EXT2: variants seen among roughly 807,000 people sequenced by gnomAD.
EXT2 encodes the protein exostosin-2.
A neutral mutation model predicts 81.6 loss-of-function variants in EXT2; 53 were observed. That is an observed-to-expected ratio of 0.65 (90% CI 0.52 to 0.82). EXT2 has a LOEUF of 0.82. EXT2 is among the 40% of genes least tolerant of loss of function. EXT2 has a pLI of 0.00. For synonymous variants in EXT2, 320 were observed against 340.0 expected (o/e 0.94, Z 0.65); for missense variants, 774 against 910.2 (o/e 0.85, Z 1.93).
intron 1 of EXT2, among the ~76,000 whole-genome samples, chr11:44,106,673 G>A (rs1954059467): frequency 6.6e-6 from 1 of 152,016 alleles, no homozygotes; most frequent in Non-Finnish European, 1.5e-5. Flanking sequence ...TCTGTCACTT[G>A]GGCTGGAGTG....
intron 10 of EXT2, among the ~76,000 whole-genome samples, chr11:44,213,537 T>C (rs1251285388): frequency 6.6e-6 from 1 of 152,092 alleles, no homozygotes. Flanking sequence ...ACAGAAGATA[T>C]AAAGAAGAGC....
intron 4 of EXT2, chr11:44,116,969 C>CTTTTTTTT (rs555225810): frequency 7.3e-6 from 1 of 137,584 alleles, no homozygotes. Context: ...TTTTCACTTT[C>CTTTTTTTT]TTTTTTTTTT....
chr11:44,198,786 A>G (rs1330935375), intron 9 of EXT2, among the ~76,000 whole-genome samples: 2 of 152,206 alleles, frequency 1.3e-5, no homozygotes, highest in Non-Finnish European at 2.9e-5. Context: ...GTCACCGATA[A>G]GGTCTAGTTT....
intron 1 of EXT2, among the ~76,000 whole-genome samples, chr11:44,096,782 T>C (rs950786498): frequency 6.6e-6 from 1 of 152,244 alleles, no homozygotes. Flanking sequence ...AATGCTAATC[T>C]AGAAAGGTTC....
rs202021394 is a variant in EXT2, at chr11:44,231,917, C to CT, written c.1663-428dup. ...GGTGTATGCTCAAGAGAAATAGATG[C>CT]TTTTTTTTAATAAGAAATGGGACTT... On this transcript the variant is annotated intron_variant, in intron 10 of 13. Transcript: ENST00000533608. 4.9e-3 allele frequency among the ~76,000 whole-genome samples: 750 copies of CT among 152,020 alleles called. 7 individuals are homozygous for CT. Among genetic ancestry groups the CT allele is most frequent in the East Asian group, 0.043 (220 of 5,164 alleles).
intron 9 of EXT2, 89 bp from the exon 10 acceptor site, chr11:44,206,704 C>A (rs895459422): frequency 1.2e-5 from 16 of 1,387,152 alleles, no homozygotes; most frequent in Admixed American, 1.8e-5. Flanking sequence ...CAAGCTGATT[C>A]TCCCATCTCA....
intron 10 of EXT2, among the ~76,000 whole-genome samples, chr11:44,209,591 T>A (rs112813412): frequency 1.3e-5 from 2 of 152,224 alleles, no homozygotes; most frequent in African/African-American, 4.8e-5. Context: ...CAGGCTTGAT[T>A]GATTAAGGGA....
intron 7 of EXT2, chr11:44,144,402 G>A: frequency 2.8e-6 from 4 of 1,404,714 alleles, no homozygotes; most frequent in Non-Finnish European, 4.0e-6. Flanking sequence ...TGCTGAGAAG[G>A]CTTGACCAAA....
chr11:44,240,041 A>G (rs1342997710), intron 13 of EXT2, among the ~76,000 whole-genome samples: 1 of 152,164 alleles, frequency 6.6e-6, no homozygotes, highest in East Asian at 1.9e-4. Flanking sequence ...GTTACATGGC[A>G]TTGTTTAGGG....
In EXT2 at chr11:44,168,500, A is replaced by G. The variant is rs555253853; in HGVS notation, c.1174-3111A>G. 4.6e-5 allele frequency among the ~76,000 whole-genome samples: 7 copies of G among 152,352 alleles called. No individual in the cohort carries two copies. In the South Asian group the frequency reaches 1.2e-3, roughly 27 times the overall value. ...AACCACAAATTGAAGAAGCGCTACA[A>G]TCCTCAGTGGGATAAATACAAAGGG... On this transcript the variant is annotated intron_variant, in intron 7 of 13. Coordinates refer to ENST00000533608, the MANE Select transcript of EXT2 (RefSeq NM_207122.2).
chr11:44,197,859 C>T lies in EXT2; in HGVS notation c.1336C>T (p.Leu446Phe). The change falls in exon 9 of 14, where the codon CTC (leucine) becomes TTC (phenylalanine). Residue 446 changes from leucine (L) to phenylalanine (F), a missense_variant. This residue lies in a region of EXT2 where 626 missense variants were observed against 670.5 expected (regional missense o/e 0.93). Coordinates refer to ENST00000533608, the MANE Select transcript of EXT2 (RefSeq NM_207122.2). ...GGGCAGCGTGAGCAATCCACTCTTCCTCCCGCTGATCCCACCACAGTCTCA... is the reference window on the plus strand; with the variant it reads ...GGGCAGCGTGAGCAATCCACTCTTCTTCCCGCTGATCCCACCACAGTCTCA... ...KWGSVSNPLF[L>F]PLIPPQSQGF... 4 of 1,614,030 alleles carry T rather than the reference C, an allele frequency of 2.5e-6. No individual in the cohort carries two copies. The highest frequency in any genetic ancestry group is 3.4e-6 in the Non-Finnish European group (4 of 1,179,952).
At chr11:44,195,221 G>A (rs1212566024) in intron 8 of EXT2, among the ~76,000 whole-genome samples, 8 of 152,090 alleles carry the variant, frequency 5.3e-5, no homozygotes, top group Non-Finnish European at 1.2e-4. Context: ...GATCACCTGA[G>A]GTCGGGAGTT....
intron 7 of EXT2, among the ~76,000 whole-genome samples, chr11:44,148,646 C>T (rs888443630): frequency 2.6e-5 from 4 of 152,160 alleles, no homozygotes; most frequent in South Asian, 2.1e-4. Context: ...CTTAAAATAG[C>T]GCCCAATACA....
intron 7 of EXT2, among the ~76,000 whole-genome samples, chr11:44,132,672 A>C (rs1018837951): frequency 3.9e-5 from 6 of 152,196 alleles, no homozygotes; most frequent in African/African-American, 1.4e-4. Context: ...AGCTCTAGTC[A>C]CAAGGGCCAC....
chr11:44,174,443 T>C (rs1171448061), intron 8 of EXT2, among the ~76,000 whole-genome samples: 1 of 151,694 alleles, frequency 6.6e-6, no homozygotes, highest in Admixed American at 6.6e-5. Flanking sequence ...TACATATATA[T>C]ATTCCTTTAC....
chr11:44,129,036 GA>G (rs1453450515), intron 6 of EXT2, among the ~76,000 whole-genome samples: 6 of 152,170 alleles, frequency 3.9e-5, no homozygotes, highest in African/African-American at 9.7e-5. Context: ...TGTCGTGAAG[GA>G]AAAGTGATTG....
intron 8 of EXT2, 41 bp from the exon 9 acceptor site, chr11:44,197,788 A>AC (rs777926370): frequency 6.2e-7 from 1 of 1,605,536 alleles, no homozygotes; most frequent in South Asian, 1.1e-5. Flanking sequence ...CCATATTGTT[A>AC]CAGCTGCTTT....
chr11:44,240,878 C>G lies in EXT2; in HGVS notation c.2019-3271C>G, dbSNP rs140572631. 8.2e-3 allele frequency among the ~76,000 whole-genome samples: 1,250 copies of G among 152,338 alleles called. 12 individuals are homozygous for G. Among genetic ancestry groups the G allele is most frequent in the African/African-American group, 0.027 (1,111 of 41,564 alleles). The stretch of plus-strand genomic sequence containing the variant: ...CATCCTTCCTTCCTCTTCCCTCCCC[C>G]TGTCTTTGGCTGGTCTCCTGGCCTC... On this transcript the variant is annotated intron_variant, in intron 13 of 13. Transcript: ENST00000533608.
At chr11:44,240,877 C>A (rs1956028934) in intron 13 of EXT2, among the ~76,000 whole-genome samples, 1 of 152,204 alleles carries the variant, frequency 6.6e-6, no homozygotes, top group African/African-American at 2.4e-5. Context: ...CTTCCCTCCC[C>A]CTGTCTTTGG....
Sources: gnomAD v4.1 joint callset for allele counts (sites outside exome capture counted in the v4.1 genomes callset) on GRCh38, gnomAD v4.1.1 for gene constraint, gnomAD v4.1.1 regional missense constraint, MANE v1.5 for transcripts, NCBI Gene and HGNC (gene_info 2026-07-23, HGNC 2026-07-21) for gene names.